The following EPHB1 variants were observed in gnomAD, a reference collection of about 807,000 sequenced individuals.
EPHB1 encodes ephrin type-B receptor 1.
EPHB1 carries 30 observed loss-of-function variants against 94.4 expected under a neutral mutation model. The ratio of observed to expected loss-of-function variants is 0.32; its 90% CI spans 0.24 to 0.43. The LOEUF (loss-of-function observed/expected upper bound fraction) is 0.43. Ranked by LOEUF, EPHB1 falls within the 20% of genes least tolerant of loss-of-function variation. EPHB1 has a pLI of 1.00. For missense variants in EPHB1, 1,055 were observed against 1,308.3 expected (o/e 0.81, Z 2.99); for synonymous variants, 522 against 489.1 (o/e 1.07, Z -0.89).
chr3:134,826,109 G>A (rs903469999), intron 1 of EPHB1, among the ~76,000 whole-genome samples: 1 of 149,964 alleles, frequency 6.7e-6, no homozygotes, highest in Admixed American at 6.6e-5. Context: ...AAAATCAGCC[G>A]AGTGTGGTGA....
At chr3:135,024,616 T>G (rs1936085732) in intron 3 of EPHB1, among the ~76,000 whole-genome samples, 1 of 152,186 alleles carries the variant, frequency 6.6e-6, no homozygotes, top group South Asian at 2.1e-4. Context: ...TTCCTTCCTG[T>G]TGTAGTGGGC....
intron 1 of EPHB1, among the ~76,000 whole-genome samples, chr3:134,913,925 T>G (rs1413533036): frequency 6.6e-6 from 1 of 152,212 alleles, no homozygotes; most frequent in Non-Finnish European, 1.5e-5. Context: ...TTAGACCCAG[T>G]TGGGGCCACA....
At chr3:134,857,422 T>G (rs928683866) in intron 1 of EPHB1, among the ~76,000 whole-genome samples, 2 of 152,088 alleles carry the variant, frequency 1.3e-5, no homozygotes, top group South Asian at 2.1e-4. Context: ...TTAGTGTGAT[T>G]GATTCACTTT....
intron 5 of EPHB1, among the ~76,000 whole-genome samples, chr3:135,137,972 G>T (rs1340339479): frequency 6.6e-6 from 1 of 152,162 alleles, no homozygotes; most frequent in Non-Finnish European, 1.5e-5. Context: ...GTGAGCTAAT[G>T]ATGAGGTAGG....
At chr3:134,977,480 C>A (rs982039508) in intron 3 of EPHB1, among the ~76,000 whole-genome samples, 1 of 152,190 alleles carries the variant, frequency 6.6e-6, no homozygotes, top group African/African-American at 2.4e-5. Context: ...ATGTATCTGG[C>A]AGACTTTCCT....
At chr3:135,176,039 C>CT (rs71624062) in intron 9 of EPHB1, among the ~76,000 whole-genome samples, 18,935 of 151,994 alleles carry the variant, frequency 0.12, 1,488 homozygotes, top group Middle Eastern at 0.17. Context: ...TAGCTAAAGG[C>CT]TTTTTTTTCC....
chr3:135,177,877 A>G (rs9822213), intron 9 of EPHB1, among the ~76,000 whole-genome samples: 67,900 of 151,934 alleles, frequency 0.45, 15,656 homozygotes, highest in East Asian at 0.7. Flanking sequence ...CCCCATCTCC[A>G]TTTTTCTCTT....
At chr3:135,151,467 C>T (rs565514677) in intron 5 of EPHB1, among the ~76,000 whole-genome samples, 1 of 152,190 alleles carries the variant, frequency 6.6e-6, no homozygotes, top group Non-Finnish European at 1.5e-5. Flanking sequence ...ACACACCTCT[C>T]ACCTCTGGCA....
intron 1 of EPHB1, among the ~76,000 whole-genome samples, chr3:134,857,496 T>A (rs2037147675): frequency 6.6e-6 from 1 of 152,102 alleles, no homozygotes; most frequent in South Asian, 2.1e-4. Flanking sequence ...CCGTGCCCAC[T>A]CCAGTCCACT....
At chr3:134,826,108 C>T (rs1024549821) in intron 1 of EPHB1, among the ~76,000 whole-genome samples, 3 of 149,654 alleles carry the variant, frequency 2.0e-5, no homozygotes, top group African/African-American at 7.5e-5. Flanking sequence ...AAAAATCAGC[C>T]GAGTGTGGTG....
intron 3 of EPHB1, among the ~76,000 whole-genome samples, chr3:135,031,349 G>T (rs572682431): frequency 1.1e-4 from 17 of 152,092 alleles, no homozygotes; most frequent in African/African-American, 3.9e-4. Context: ...TCACTCTGTA[G>T]CCTTGTCTGG....
At chr3:135,092,498 C>T (rs1342608675) in intron 3 of EPHB1, among the ~76,000 whole-genome samples, 2 of 152,214 alleles carry the variant, frequency 1.3e-5, no homozygotes, top group African/African-American at 4.8e-5. Flanking sequence ...CTTTACCTCC[C>T]TGCTCTGCCC....
chr3:134,827,384 C>CACACAT (rs975534079), intron 1 of EPHB1, among the ~76,000 whole-genome samples: 1 of 145,210 alleles, frequency 6.9e-6, no homozygotes, highest in African/African-American at 2.7e-5. Flanking sequence ...CACACACACA[C>CACACAT]ACACATACAC....
chr3:135,207,952 G>T (rs72981640), intron 12 of EPHB1, among the ~76,000 whole-genome samples: 1 of 152,158 alleles, frequency 6.6e-6, no homozygotes, highest in Non-Finnish European at 1.5e-5. Flanking sequence ...TAAACTAACT[G>T]CAGTCACCTC....
chr3:134,807,410 G>T (rs73227043), intron 1 of EPHB1, among the ~76,000 whole-genome samples: 15,101 of 152,114 alleles, frequency 0.099, 906 homozygotes, highest in Middle Eastern at 0.18. Flanking sequence ...GACTCTGATG[G>T]ATGCGGTATA....
intron 4 of EPHB1, among the ~76,000 whole-genome samples, chr3:135,117,987 C>T (rs1270052874): frequency 6.6e-6 from 1 of 152,192 alleles, no homozygotes; most frequent in Admixed American, 6.5e-5. Flanking sequence ...AACCCATGGT[C>T]ACTGCCATGC....
At chr3:134,992,065 CTT>C (rs1049846126) in intron 3 of EPHB1, among the ~76,000 whole-genome samples, 15 of 152,240 alleles carry the variant, frequency 9.9e-5, no homozygotes, top group African/African-American at 3.4e-4. Flanking sequence ...ATTTTAGAAA[CTT>C]TAAGCTTAGG....
chr3:135,043,260 AAATAATAATAATAATAGT>A (rs1314087875), intron 3 of EPHB1, among the ~76,000 whole-genome samples: 1 of 148,600 alleles, frequency 6.7e-6, no homozygotes, highest in Non-Finnish European at 1.5e-5. Context: ...ATCAAATAAT[AAATAATAATAATAATAGT>A]AATAATAATA....
At chr3:135,165,912 A>C (rs1225904091) in intron 7 of EPHB1, 56 bp from the exon 8 acceptor site, 1 of 1,265,352 alleles carries the variant, frequency 7.9e-7, no homozygotes, top group Non-Finnish European at 1.2e-6. Context: ...TGCACTGAGT[A>C]TCAGCTGTAT....
Sources: allele counts gnomAD v4.1 joint callset (sites outside exome capture counted in the v4.1 genomes callset), GRCh38; gene constraint gnomAD v4.1.1; transcripts MANE v1.5; gene names NCBI Gene and HGNC (gene_info 2026-07-23, HGNC 2026-07-21).